Variants in SGCG observed in about 807,000 individuals in gnomAD.
SGCG encodes gamma-sarcoglycan.
A neutral mutation model predicts 29.3 loss-of-function variants in SGCG; 26 were observed. The ratio of observed to expected loss-of-function variants is 0.89; its 90% CI spans 0.65 to 1.23. The LOEUF (loss-of-function observed/expected upper bound fraction) is 1.23. SGCG is among the 50% of genes most tolerant of loss of function. SGCG has a pLI of 0.00. For missense variants in SGCG, 353 were observed against 356.0 expected (o/e 0.99, Z 0.07); for synonymous variants, 145 against 129.7 (o/e 1.12, Z -0.80).
At chr13:23,243,083 T>C (rs1415465008) in intron 3 of SGCG, among the ~76,000 whole-genome samples, 1 of 152,216 alleles carries the variant, frequency 6.6e-6, no homozygotes, top group Non-Finnish European at 1.5e-5. Context: ...CAGTTATGAA[T>C]ACAATTTTGT....
At chr13:23,235,881 G>C (rs561589392) in intron 3 of SGCG, among the ~76,000 whole-genome samples, 50 of 152,344 alleles carry the variant, frequency 3.3e-4, no homozygotes, top group African/African-American at 1.2e-3. Flanking sequence ...ATGAGGTCTT[G>C]TTAGAGACAT....
chr13:23,267,853 G>T (rs951076897), intron 4 of SGCG: 2 of 152,188 alleles, frequency 1.3e-5, no homozygotes, highest in African/African-American at 2.4e-5. Context: ...AGGAAACGGG[G>T]TGGCAACTCA....
rs145700672 is a variant in SGCG at position 23,303,044 on chromosome 13, T to C, written c.578+7557T>C. On this transcript the variant is annotated intron_variant, in intron 6 of 7. Coordinates refer to ENST00000218867, the MANE Select transcript of SGCG (RefSeq NM_000231.3). ...GTAAAGAATTAGAAACTGTGTAACT[T>C]GCCAAATGATTACCTCGTAATCACT... 3.0e-3 allele frequency among the ~76,000 whole-genome samples: 464 copies of C among 152,368 alleles called. 1 individual carries two copies. The highest frequency in any genetic ancestry group is 0.011 in the African/African-American group (446 of 41,578).
chr13:23,175,997 CT>C (rs1460584109), upstream of SGCG, among the ~76,000 whole-genome samples: 1 of 152,014 alleles, frequency 6.6e-6, no homozygotes, highest in Non-Finnish European at 1.5e-5. Context: ...CTATGGCCAT[CT>C]ATTTTGAAGA....
intron 3 of SGCG, chr13:23,247,285 G>GT (rs1879750124): frequency 2.0e-5 from 3 of 152,252 alleles, no homozygotes; most frequent in Admixed American, 2.0e-4. Flanking sequence ...TCAAGGATGT[G>GT]TTTGAAGAAT....
chr13:23,309,564 G>A (rs913475877), intron 6 of SGCG, among the ~76,000 whole-genome samples: 9 of 152,184 alleles, frequency 5.9e-5, no homozygotes, highest in Admixed American at 1.3e-4. Flanking sequence ...AAAGAGTAAC[G>A]ATGGACATCT....
intron 3 of SGCG, among the ~76,000 whole-genome samples, chr13:23,249,408 A>G (rs1879871341): frequency 1.3e-5 from 2 of 152,314 alleles, no homozygotes; most frequent in Non-Finnish European, 2.9e-5. Context: ...AAAGGCAGCT[A>G]TTTCTACCTT....
chr13:23,211,038 A>G (rs1878182339), intron 2 of SGCG, among the ~76,000 whole-genome samples: 1 of 152,226 alleles, frequency 6.6e-6, no homozygotes, highest in South Asian at 2.1e-4. Context: ...GATAGCTTAA[A>G]ATACCATCTG....
At chr13:23,304,694 C>G (rs1882298116) in intron 6 of SGCG, among the ~76,000 whole-genome samples, 1 of 152,180 alleles carries the variant, frequency 6.6e-6, no homozygotes, top group East Asian at 1.9e-4. Flanking sequence ...GCCTCTGCCT[C>G]CTGGGTTCAA....
intron 5 of SGCG, among the ~76,000 whole-genome samples, chr13:23,289,372 G>A (rs183192321): frequency 4.8e-4 from 73 of 152,286 alleles, no homozygotes; most frequent in Middle Eastern, 3.4e-3. Flanking sequence ...AATATTTTAC[G>A]CTACCTTTCT....
chr13:23,224,793 CA>C (rs1878834176), intron 2 of SGCG, among the ~76,000 whole-genome samples: 1 of 152,246 alleles, frequency 6.6e-6, no homozygotes, highest in Non-Finnish European at 1.5e-5. Context: ...CCTAGCTACA[CA>C]ATAGAATTAC....
At chr13:23,220,498 G>T (rs542434664) in intron 2 of SGCG, among the ~76,000 whole-genome samples, 1 of 152,160 alleles carries the variant, frequency 6.6e-6, no homozygotes, top group South Asian at 2.1e-4. Context: ...ATATATTTTT[G>T]ACTTTTTCTG....
At chr13:23,318,331 T>C (rs1882911065) in intron 6 of SGCG, among the ~76,000 whole-genome samples, 1 of 152,140 alleles carries the variant, frequency 6.6e-6, no homozygotes, top group African/African-American at 2.4e-5. Context: ...CATCTTTAAT[T>C]GAACTAATGA....
intron 1 of SGCG, among the ~76,000 whole-genome samples, chr13:23,187,221 G>T (rs955632887): frequency 6.6e-6 from 1 of 152,158 alleles, no homozygotes; most frequent in African/African-American, 2.4e-5. Flanking sequence ...AGCCACTCTC[G>T]CTATGGTGCC....
chr13:23,221,506 G>T (rs1459434201), intron 2 of SGCG, among the ~76,000 whole-genome samples: 1 of 152,186 alleles, frequency 6.6e-6, no homozygotes, highest in South Asian at 2.1e-4. Flanking sequence ...TCTTAGAGCT[G>T]CCAGGGCCAT....
chr13:23,279,257 T>C, intron 4 of SGCG, 102 bp from the exon 5 acceptor site: 4 of 1,092,192 alleles, frequency 3.7e-6, no homozygotes, highest in South Asian at 1.3e-5. Context: ...TACCAAGTCT[T>C]TAGATACTTG....
chr13:23,205,568 C>T (rs1229955545), intron 2 of SGCG, among the ~76,000 whole-genome samples: 7 of 152,088 alleles, frequency 4.6e-5, no homozygotes, highest in East Asian at 1.9e-4. Flanking sequence ...ATTTTGTAAA[C>T]GGTTTGACTG....
chr13:23,172,803 C>G, the SGCG span, among the ~76,000 whole-genome samples: 6,701 of 152,248 alleles, frequency 0.044, 156 homozygotes, highest in Admixed American at 0.07. Context: ...ACAGATTAGC[C>G]TATGCTGAAG....
At chr13:23,234,503 G>T (rs958843035) in intron 2 of SGCG, 108 bp from the exon 3 acceptor site, 11 of 756,918 alleles carry the variant, frequency 1.5e-5, no homozygotes, top group Admixed American at 2.2e-5. Context: ...ATGCAGAAAA[G>T]GTGGTAGGCA....
Sources: allele counts gnomAD v4.1 joint callset (sites outside exome capture counted in the v4.1 genomes callset), GRCh38; gene constraint gnomAD v4.1.1; transcripts MANE v1.5; gene names NCBI Gene and HGNC (gene_info 2026-07-23, HGNC 2026-07-21).